RUNX1: variants seen among roughly 807,000 people sequenced by gnomAD.
The protein encoded by RUNX1 is runt-related transcription factor 1.
A neutral mutation model predicts 42.8 loss-of-function variants in RUNX1; 19 were observed. That is an observed-to-expected ratio of 0.44 (90% confidence interval 0.31 to 0.65). The LOEUF (loss-of-function observed/expected upper bound fraction) is 0.65, where lower values mean the gene tolerates loss of function less well. RUNX1 is among the 30% of genes least tolerant of loss of function. RUNX1 has a pLI of 0.07. For synonymous variants in RUNX1, 271 were observed against 289.4 expected (o/e 0.94, Z 0.64); for missense variants, 528 against 672.0 (o/e 0.79, Z 2.37).
rs1004837779 is a variant in RUNX1 at position 34,880,441 on chromosome 21, G to A, written c.508+116C>T. ...TTTTAAGAGCTTGACATAGCAATAAGAATGTTAAGACAGACCGAGTTTCTA... is the reference window on the plus strand; with the variant it reads ...TTTTAAGAGCTTGACATAGCAATAAAAATGTTAAGACAGACCGAGTTTCTA... On this transcript the variant is annotated intron_variant, in intron 5 of 8. Coordinates refer to ENST00000675419, the MANE Select transcript of RUNX1 (RefSeq NM_001754.5). The A allele has an allele frequency of 2.3e-5, 21 of 923,820 alleles. No individual in the cohort carries two copies. The Admixed American group carries it at 3.6e-4, about 16-fold the overall frequency. The allele number at this position is 923,820 out of a possible 1,614,324, so 57.2% of individuals were successfully genotyped here.
At chr21:34,888,699 T>C (rs2058034904) in intron 3 of RUNX1, 1 of 1,033,582 alleles carries the variant, frequency 9.7e-7, no homozygotes, top group Admixed American at 5.7e-5. Context: ...TGAATGAGAG[T>C]GCCTGGAAAT....
At chr21:34,817,133 G>C (rs1008875524) in intron 7 of RUNX1, among the ~76,000 whole-genome samples, 1 of 152,228 alleles carries the variant, frequency 6.6e-6, no homozygotes, top group African/African-American at 2.4e-5. Context: ...AGTATCAACA[G>C]TGAGCACATT....
intron 2 of RUNX1, among the ~76,000 whole-genome samples, chr21:34,997,149 C>T (rs73900767): frequency 0.35 from 53,036 of 152,132 alleles, 9,411 homozygotes; most frequent in Admixed American, 0.44. Flanking sequence ...ATTGCATTCA[C>T]TGACAGTGAA....
intron 5 of RUNX1, among the ~76,000 whole-genome samples, chr21:34,871,992 T>C (rs958014567): frequency 7.2e-5 from 11 of 152,060 alleles, no homozygotes; most frequent in Admixed American, 1.3e-4. Context: ...TACAGGTATG[T>C]GCCACCACTC....
intron 2 of RUNX1, among the ~76,000 whole-genome samples, chr21:34,936,173 CA>C (rs1376535998): frequency 6.7e-6 from 1 of 150,010 alleles, no homozygotes; most frequent in African/African-American, 2.5e-5. Context: ...TGTTTGTCTG[CA>C]TACATCAAAT....
rs942779996 is a variant in RUNX1 at position 34,975,487 on chromosome 21, T to A, written c.58+73355A>T. Reference sequence around the variant, plus strand: ...TTGATTTAAAGTATACAGGAGGATGTGCACATGTTATATGCAAATACTACA... The same window carrying A: ...TTGATTTAAAGTATACAGGAGGATGAGCACATGTTATATGCAAATACTACA... On this transcript the variant is annotated intron_variant, in intron 2 of 8. Coordinates refer to ENST00000675419, the MANE Select transcript of RUNX1 (RefSeq NM_001754.5). Among the ~76,000 whole-genome samples the A allele has an allele frequency of 3.9e-5, 6 of 152,240 alleles. No homozygotes were observed. In the South Asian group the frequency reaches 1.2e-3, roughly 32 times the overall value.
At position 35,010,346 on chromosome 21, in the gene RUNX1, TA is replaced by T. The variant is rs914095465; in HGVS notation, c.58+38495del. On this transcript the variant is annotated intron_variant, in intron 2 of 8. Transcript: ENST00000675419. ...AATCCATCAATTACACTCCTTTTTT[TA>T]AAAAAAAATCTGGTCTTCTGCCTTA... 1.2e-4 allele frequency among the ~76,000 whole-genome samples: 18 copies of T among 151,768 alleles called. 1 individual carries two copies. In the South Asian group the frequency reaches 2.7e-3, roughly 23 times the overall value.
intron 2 of RUNX1, among the ~76,000 whole-genome samples, chr21:35,042,752 T>A (rs571846594): frequency 1.3e-5 from 2 of 152,328 alleles, no homozygotes; most frequent in Non-Finnish European, 2.9e-5. Flanking sequence ...CAGCCTGGAC[T>A]GCTCACTCTG....
intron 4 of RUNX1, 53 bp from the exon 5 acceptor site, chr21:34,880,766 T>C: frequency 6.4e-7 from 1 of 1,558,850 alleles, no homozygotes; most frequent in Non-Finnish European, 8.8e-7. Context: ...ATACATACAC[T>C]TTTAGGGCAT....
Position 34,788,162 on chromosome 21 carries a change from C to T in RUNX1, c.*3973G>A, listed in dbSNP as rs918579330. 12 of 233,320 alleles carry T rather than the reference C, an allele frequency of 5.1e-5. No individual in the cohort carries two copies. Among genetic ancestry groups the T allele is most frequent in the Admixed American group, 2.8e-4 (5 of 17,784 alleles). The allele number at this position is 233,320 out of a possible 1,614,324, so 14.5% of individuals were successfully genotyped here. A position where few individuals can be genotyped will look rare whatever the true frequency, so the allele number is the denominator to read the frequency against. On this transcript the variant is annotated 3_prime_UTR_variant, in exon 9 of 9. Transcript: ENST00000675419. ...TACCAGGGAGAAAGAAGCCCACGCACGAATTTTCAGGATGTTTTGTGACCA... is the reference window on the plus strand; with the variant it reads ...TACCAGGGAGAAAGAAGCCCACGCATGAATTTTCAGGATGTTTTGTGACCA...
intron 2 of RUNX1, among the ~76,000 whole-genome samples, chr21:34,976,778 C>G (rs956464363): frequency 2.6e-5 from 4 of 152,074 alleles, no homozygotes; most frequent in African/African-American, 9.7e-5. Flanking sequence ...ATTATACGTC[C>G]CTTAGGCTAC....
chr21:34,925,425 T>C (rs2058385745), intron 2 of RUNX1, among the ~76,000 whole-genome samples: 2 of 152,180 alleles, frequency 1.3e-5, no homozygotes, highest in African/African-American at 4.8e-5. Flanking sequence ...TAATCCAAGA[T>C]GACTGGTGTT....
At chr21:34,840,692 C>G (rs558837183) in intron 6 of RUNX1, among the ~76,000 whole-genome samples, 95 of 152,300 alleles carry the variant, frequency 6.2e-4, no homozygotes, top group Non-Finnish European at 1.0e-3. Context: ...CCCACCAGGT[C>G]GCCCAGCCTG....
chr21:34,848,783 G>A (rs1345617081), intron 6 of RUNX1, among the ~76,000 whole-genome samples: 4 of 152,126 alleles, frequency 2.6e-5, no homozygotes, highest in Admixed American at 6.6e-5. Flanking sequence ...AGTAGTGTCC[G>A]AGAGGCGCGT....
At chr21:34,894,880 AACACACACACACACACACACAC>A (rs57230115) in intron 2 of RUNX1, among the ~76,000 whole-genome samples, 5 of 127,964 alleles carry the variant, frequency 3.9e-5, no homozygotes, top group South Asian at 2.8e-4. Flanking sequence ...CCTACATAGA[AACACACACACACACACACACAC>A]ACACACACAC....
chr21:34,825,174 C>T (rs1245178648), intron 7 of RUNX1, among the ~76,000 whole-genome samples: 1 of 152,192 alleles, frequency 6.6e-6, no homozygotes, highest in East Asian at 1.9e-4. Context: ...ACATGCCTGG[C>T]TTTGGGAGGT....
At chr21:34,945,195 T>A (rs2058555548) in intron 2 of RUNX1, among the ~76,000 whole-genome samples, 1 of 152,218 alleles carries the variant, frequency 6.6e-6, no homozygotes, top group South Asian at 2.1e-4. Flanking sequence ...TATGCACACA[T>A]CTACAGTTTC....
rs1050836945 is a variant in RUNX1, at chr21:34,788,252, C to T, written c.*3883G>A. 12 of 233,512 alleles carry T rather than the reference C, an allele frequency of 5.1e-5. No individual in the cohort carries two copies. Among genetic ancestry groups the T allele is most frequent in the South Asian group, 1.8e-4 (1 of 5,526 alleles). The allele number at this position is 233,512 out of a possible 1,614,324, so 14.5% of individuals were successfully genotyped here. The stretch of plus-strand genomic sequence containing the variant: ...CTGGCTTAAATAGGACCACATTTCC[C>T]GTTGCTTTTTCAGTAGATGTGTTAT... On this transcript the variant is annotated 3_prime_UTR_variant, in exon 9 of 9. Transcript: ENST00000675419.
At chr21:34,911,738 C>T (rs986263205) in intron 2 of RUNX1, among the ~76,000 whole-genome samples, 1 of 152,190 alleles carries the variant, frequency 6.6e-6, no homozygotes, top group Non-Finnish European at 1.5e-5. Context: ...ATCACCTAGA[C>T]CTGGGAGCAC....
Sources: gnomAD v4.1 joint callset for allele counts (sites outside exome capture counted in the v4.1 genomes callset) on GRCh38, gnomAD v4.1.1 for gene constraint, MANE v1.5 for transcripts, NCBI Gene and HGNC (gene_info 2026-07-23, HGNC 2026-07-21) for gene names.